SPON1: variants seen among roughly 807,000 people sequenced by gnomAD.
SPON1 encodes the protein spondin 1, also known as spondin-1.
In SPON1, 52 loss-of-function variants were observed where a neutral mutation model predicts 111.7. The observed-to-expected ratio is 0.47, with a 90% CI of 0.37 to 0.59. The LOEUF (loss-of-function observed/expected upper bound fraction) is 0.59, where lower values mean the gene tolerates loss of function less well. SPON1 is among the 20% of genes least tolerant of loss of function. SPON1 has a pLI of 0.00. For synonymous variants in SPON1, 410 were observed against 395.8 expected, an observed-to-expected ratio of 1.04 and a Z score of -0.43; for missense variants, 957 against 1,068.5, an observed-to-expected ratio of 0.90 and a Z score of 1.46.
At chr11:14,166,714 A>G (rs1848034182) in intron 6 of SPON1, among the ~76,000 whole-genome samples, 8 of 152,192 alleles carry the variant, frequency 5.3e-5, no homozygotes, top group Admixed American at 5.2e-4. Flanking sequence ...AATAATGTAC[A>G]CTAAATTATA....
chr11:14,203,286 C>G (rs1409267351), intron 6 of SPON1, among the ~76,000 whole-genome samples: 1 of 152,172 alleles, frequency 6.6e-6, no homozygotes, highest in Non-Finnish European at 1.5e-5. Context: ...CACCCAATCA[C>G]CTCTCTAGCA....
chr11:14,098,668 G>A (rs1239601534), intron 5 of SPON1, among the ~76,000 whole-genome samples: 1 of 144,788 alleles, frequency 6.9e-6, no homozygotes, highest in Non-Finnish European at 1.5e-5. Context: ...GAGAGAGAGG[G>A]GTGGGAAGAG....
chr11:14,222,752 C>G (rs1406458825), intron 6 of SPON1, among the ~76,000 whole-genome samples: 1 of 152,132 alleles, frequency 6.6e-6, no homozygotes, highest in Non-Finnish European at 1.5e-5. Context: ...ACAATAGGCT[C>G]TCAGAAAGAA....
chr11:14,037,496 A>T (rs1174285739), intron 2 of SPON1, among the ~76,000 whole-genome samples: 2 of 150,262 alleles, frequency 1.3e-5, no homozygotes, highest in Non-Finnish European at 3.0e-5. Context: ...CTTTTCAACA[A>T]ATGGTGCTGA....
At position 13,983,016 on chromosome 11, in the gene SPON1, G is replaced by A. The variant is rs141266709; in HGVS notation, c.345+63G>A. 1.7e-4 allele frequency: 200 copies of A among 1,173,018 alleles called. 1 individual carries two copies. In the East Asian group the frequency reaches 4.1e-3, roughly 24 times the overall value. The allele number at this position is 1,173,018 out of a possible 1,614,324, so 72.7% of individuals were successfully genotyped here. On this transcript the variant is annotated intron_variant, in intron 2 of 15. Coordinates refer to ENST00000576479, the MANE Select transcript of SPON1 (RefSeq NM_006108.4). ...GCCCTAGGAGGTAGAGGCTGGAGAGGTACAAGTGTCTCAGGTGGCTTCCCA... is the reference window on the plus strand; with the variant it reads ...GCCCTAGGAGGTAGAGGCTGGAGAGATACAAGTGTCTCAGGTGGCTTCCCA...
chr11:14,177,262 G>A (rs1301281618), intron 6 of SPON1, among the ~76,000 whole-genome samples: 1 of 152,118 alleles, frequency 6.6e-6, no homozygotes, highest in Non-Finnish European at 1.5e-5. Flanking sequence ...GGATGGTCTC[G>A]ATCTCCTGAC....
intron 6 of SPON1, among the ~76,000 whole-genome samples, chr11:14,139,709 A>T (rs1044908976): frequency 6.9e-6 from 1 of 145,406 alleles, no homozygotes; most frequent in Non-Finnish European, 1.5e-5. Context: ...AAACATGTAA[A>T]ATATATATAT....
chr11:14,229,955 T>TCC (rs1848779888), intron 6 of SPON1, among the ~76,000 whole-genome samples: 4 of 86,112 alleles, frequency 4.6e-5, no homozygotes, highest in African/African-American at 1.8e-4. Flanking sequence ...TGTGTCCGTG[T>TCC]GTGTGTGTGT....
chr11:14,210,895 C>G (rs1411098480), intron 6 of SPON1, among the ~76,000 whole-genome samples: 1 of 152,134 alleles, frequency 6.6e-6, no homozygotes, highest in Non-Finnish European at 1.5e-5. Flanking sequence ...TCAGGTTTGT[C>G]AAAGATCAGA....
chr11:14,262,707 G>C lies in SPON1; in HGVS notation c.1997-5G>C. On this transcript the variant is annotated splice_polypyrimidine_tract_variant and splice_region_variant and intron_variant, in intron 14 of 15. Transcript: ENST00000576479. ...ATACACTCATGCCCATCTGTGTCTTGCCAGCCATTGACTGTGAGCTCACCG... is the reference window on the plus strand; with the variant it reads ...ATACACTCATGCCCATCTGTGTCTTCCCAGCCATTGACTGTGAGCTCACCG... The C allele has an allele frequency of 6.2e-7, 1 of 1,613,796 alleles. No homozygotes were observed. The highest frequency in any genetic ancestry group is 2.2e-5 in the East Asian group (1 of 44,856).
intron 6 of SPON1, among the ~76,000 whole-genome samples, chr11:14,167,752 C>G (rs1483510410): frequency 1.3e-5 from 2 of 152,120 alleles, no homozygotes; most frequent in African/African-American, 4.8e-5. Context: ...GTTACTTGGA[C>G]ACATGGGCCC....
chr11:14,074,983 G>T (rs1848905545), intron 3 of SPON1, among the ~76,000 whole-genome samples: 1 of 152,102 alleles, frequency 6.6e-6, no homozygotes, highest in Non-Finnish European at 1.5e-5. Context: ...TCTATAAATG[G>T]CCTCAATAGT....
intron 6 of SPON1, among the ~76,000 whole-genome samples, chr11:14,163,445 C>A (rs1458503761): frequency 6.6e-6 from 1 of 152,134 alleles, no homozygotes; most frequent in Non-Finnish European, 1.5e-5. Flanking sequence ...AGCTCCCCAC[C>A]CTGCCATTCT....
At chr11:14,082,709 C>T (rs1349879076) in intron 5 of SPON1, among the ~76,000 whole-genome samples, 1 of 152,190 alleles carries the variant, frequency 6.6e-6, no homozygotes, top group African/African-American at 2.4e-5. Flanking sequence ...AGGATCTAAT[C>T]GGGATCTTGA....
At position 14,259,585 on chromosome 11, in the gene SPON1, C is replaced by T; in HGVS notation, c.1715C>T (p.Ala572Val). The T allele has an allele frequency of 6.4e-7, 1 of 1,553,856 alleles. No individual in the cohort carries two copies. The highest frequency in any genetic ancestry group is 1.2e-5 in the South Asian group (1 of 84,144). ...TGGGGCGAGTGGGACGAGTGCAGCG[C>T]CACCTGCGGCATGGGCATGAAGAAG... Reference protein sequence around the residue: ...TEWGEWDECSATCGMGMKKRH... With the variant: ...TEWGEWDECSVTCGMGMKKRH... The change falls in exon 13 of 16, where the codon GCC becomes GTC. Residue 572 changes from alanine (A) to valine (V), a missense_variant. By Grantham distance (64) the Ala-to-Val change is moderately conservative (BLOSUM62 0). Transcript: ENST00000576479. This position sits in a 1 kb window ranked among gnomAD's most constrained non-coding sequence, Gnocchi z 5.0.
chr11:14,218,369 C>T (rs1391897497), intron 6 of SPON1, among the ~76,000 whole-genome samples: 1 of 152,164 alleles, frequency 6.6e-6, no homozygotes, highest in African/African-American at 2.4e-5. Context: ...TGAATAGCTC[C>T]TCCTGAATGC....
At chr11:14,106,711 C>A (rs1172357388) in intron 5 of SPON1, among the ~76,000 whole-genome samples, 1 of 152,148 alleles carries the variant, frequency 6.6e-6, no homozygotes, top group Admixed American at 6.5e-5. Flanking sequence ...GCAGCCCTGC[C>A]TTATTTTTAG....
rs188433827 is a variant in SPON1 at position 14,075,365 on chromosome 11, G to T, written c.500G>T (p.Arg167Leu). The change falls in exon 4 of 16, where the codon CGC becomes CTC. Residue 167 changes from arginine (R) to leucine (L), a missense_variant. Physicochemically the swap from Arg to Leu is moderately radical, Grantham distance 102. Transcript: ENST00000576479. ...CACAGGGCCAGCATCGTACAAAAAC[G>T]CATTATTTATTTTCAAGATGAGGGC... ...VILKASIVQK[R>L]IIYFQDEGSL... 1.3e-6 allele frequency: 2 copies of T among 1,560,242 alleles called. No homozygotes were observed. The highest frequency in any genetic ancestry group is 3.8e-5 in the Admixed American group (2 of 52,208).
intron 3 of SPON1, among the ~76,000 whole-genome samples, chr11:14,044,551 G>A (rs1188980419): frequency 6.6e-6 from 1 of 152,220 alleles, no homozygotes; most frequent in Non-Finnish European, 1.5e-5. Flanking sequence ...GGTGGCAGTT[G>A]CAGTGAGCCG....
Sources: allele counts gnomAD v4.1 joint callset (sites outside exome capture counted in the v4.1 genomes callset), GRCh38; gene constraint gnomAD v4.1.1; non-coding constraint Gnocchi (gnomAD v3.1); transcripts MANE v1.5; gene names NCBI Gene and HGNC (gene_info 2026-07-23, HGNC 2026-07-21).